The following MRM1 variants were observed in gnomAD, a reference collection of about 807,000 sequenced individuals.
MRM1 encodes mitochondrial rRNA methyltransferase 1.
Under a neutral mutation model 25.0 loss-of-function variants are expected in MRM1, and 24 were observed. The ratio of observed to expected loss-of-function variants is 0.96; its 90% CI spans 0.69 to 1.35. MRM1 has a LOEUF of 1.35. Among genes scored for constraint, MRM1 ranks in the 40% most tolerant of loss-of-function variants. MRM1 has a pLI of 0.00. For synonymous variants in MRM1, 188 were observed against 199.2 expected (o/e 0.94, Z 0.47); for missense variants, 431 against 464.1 (o/e 0.93, Z 0.65).
chr17:36,623,776 G>C, the MRM1 span, among the ~76,000 whole-genome samples: 2 of 152,154 alleles, frequency 1.3e-5, no homozygotes, highest in East Asian at 3.9e-4. Context: ...TTGGGGGAGA[G>C]TGGCTTGGAG....
downstream of MRM1, among the ~76,000 whole-genome samples, chr17:36,610,570 A>T (rs748008778): frequency 6.6e-6 from 1 of 152,054 alleles, no homozygotes; most frequent in Non-Finnish European, 1.5e-5. Context: ...CTCTCAAGAA[A>T]GAGGACAGAA....
At chr17:36,607,234 T>C (rs897602222) in intron 2 of MRM1, among the ~76,000 whole-genome samples, 4 of 152,008 alleles carry the variant, frequency 2.6e-5, no homozygotes, top group Admixed American at 1.3e-4. Flanking sequence ...TTTGAACTCC[T>C]GACCTCAGGT....
the MRM1 span, among the ~76,000 whole-genome samples, chr17:36,630,879 G>C: frequency 6.6e-6 from 1 of 152,158 alleles, no homozygotes; most frequent in Non-Finnish European, 1.5e-5. Flanking sequence ...CTAGGCACTG[G>C]TCTAGGTGCT....
chr17:36,627,674 GTTTTTTTT>G, the MRM1 span, among the ~76,000 whole-genome samples: 1 of 83,728 alleles, frequency 1.2e-5, no homozygotes, highest in African/African-American at 5.0e-5. Flanking sequence ...TTTGGACACT[GTTTTTTTT>G]TTTTTTTTTT....
the MRM1 span, among the ~76,000 whole-genome samples, chr17:36,616,301 C>T: frequency 6.6e-6 from 1 of 152,190 alleles, no homozygotes; most frequent in East Asian, 1.9e-4. Context: ...CTCCAGCCGG[C>T]CTTGACCTTC....
At chr17:36,614,890 T>C in the MRM1 span, among the ~76,000 whole-genome samples, 2 of 152,136 alleles carry the variant, frequency 1.3e-5, no homozygotes, top group African/African-American at 4.8e-5. Flanking sequence ...ATGTAGCCCA[T>C]TGGGGGTGGG....
chr17:36,602,456 A>G lies in MRM1; in HGVS notation c.543-97A>G. The stretch of plus-strand genomic sequence containing the variant: ...TCCCTTAGCCAGACTTACCTGTCCC[A>G]GAACTCTCATCCCCCTAGCCCTTGG... On this transcript the variant is annotated intron_variant, in intron 1 of 4. Transcript: ENST00000614766. The surrounding 1 kb of genome is among the most constrained non-coding windows in gnomAD (Gnocchi z 4.1). The G allele has an allele frequency of 1.9e-6, 3 of 1,589,760 alleles. No homozygotes were observed. Among genetic ancestry groups the G allele is most frequent in the Non-Finnish European group, 2.6e-6 (3 of 1,164,980 alleles).
At position 36,602,745 on chromosome 17, in the gene MRM1, T is replaced by A. The variant is rs2074891766; in HGVS notation, c.636+99T>A. 1 of 1,436,388 alleles carries A rather than the reference T, an allele frequency of 7.0e-7. No individual in the cohort carries two copies. Among genetic ancestry groups the A allele is most frequent in the African/African-American group, 1.4e-5 (1 of 71,368 alleles). 89.0% of individuals were successfully genotyped at this position (1,436,388 alleles called of 1,614,324 possible). A position where few individuals can be genotyped will look rare whatever the true frequency, so the allele number is the denominator to read the frequency against. On this transcript the variant is annotated intron_variant, in intron 2 of 4. Transcript: ENST00000614766. This position sits in a 1 kb window ranked among gnomAD's most constrained non-coding sequence, Gnocchi z 4.1. Reference sequence around the variant, plus strand: ...TGGCGAGGGAGAGAAAGGGGCATGTTGGCACCGCTTCCTTTGGCCTTCTAA... The same window carrying A: ...TGGCGAGGGAGAGAAAGGGGCATGTAGGCACCGCTTCCTTTGGCCTTCTAA...
chr17:36,614,767 A>G, the MRM1 span, among the ~76,000 whole-genome samples: 1 of 152,176 alleles, frequency 6.6e-6, no homozygotes, highest in Non-Finnish European at 1.5e-5. Context: ...GTAAACTCTC[A>G]ATAATTGTAG....
At chr17:36,616,079 C>T in the MRM1 span, among the ~76,000 whole-genome samples, 14 of 152,156 alleles carry the variant, frequency 9.2e-5, no homozygotes, top group African/African-American at 3.1e-4. Context: ...TAAGCCCCTC[C>T]CGCCCTCTAG....
rs192205167 is a variant in MRM1, at chr17:36,607,076, G to T, written c.637-594G>T. ...ATTACAGGCATGCACCACCATGCCC[G>T]GCTAATTTTGTATTTTTAGTAGAGA... On this transcript the variant is annotated intron_variant, in intron 2 of 4. Transcript: ENST00000614766. Among the ~76,000 whole-genome samples, 292 of 151,538 alleles carry T rather than the reference G, an allele frequency of 1.9e-3. 1 individual carries two copies. The highest frequency in any genetic ancestry group is 6.8e-3 in the African/African-American group (281 of 41,288).
the MRM1 span, among the ~76,000 whole-genome samples, chr17:36,629,957 G>A: frequency 6.6e-6 from 1 of 152,348 alleles, no homozygotes; most frequent in South Asian, 2.1e-4. Context: ...AGCCTTGGCA[G>A]ATGTGACTGA....
At chr17:36,615,991 AAAC>A in the MRM1 span, among the ~76,000 whole-genome samples, 52,197 of 150,930 alleles carry the variant, frequency 0.35, 10,768 homozygotes, top group African/African-American at 0.59. Flanking sequence ...AGACTGTCTC[AAAC>A]AACAACAACA....
chr17:36,607,631 TAAAAA>T (rs763310890), intron 2 of MRM1, 34 bp from the exon 3 acceptor site: 2 of 1,578,580 alleles, frequency 1.3e-6, no homozygotes, highest in Non-Finnish European at 1.7e-6. Flanking sequence ...AAAATTAAAA[TAAAAA>T]AAGAATTAGA....
chr17:36,614,313 G>A, the MRM1 span, among the ~76,000 whole-genome samples: 2 of 151,984 alleles, frequency 1.3e-5, no homozygotes, highest in Non-Finnish European at 2.9e-5. Flanking sequence ...ATCCTGCTGG[G>A]GGAGGTGCTC....
At chr17:36,604,179 C>A (rs1320607091) in intron 2 of MRM1, among the ~76,000 whole-genome samples, 3 of 152,216 alleles carry the variant, frequency 2.0e-5, no homozygotes, top group Non-Finnish European at 2.9e-5. Context: ...ACACTCTCTT[C>A]AGCATGCAAG....
chr17:36,612,016 C>T (rs1191068740), downstream of MRM1, among the ~76,000 whole-genome samples: 1 of 152,216 alleles, frequency 6.6e-6, no homozygotes, highest in Non-Finnish European at 1.5e-5. Flanking sequence ...GTAGGCGTCC[C>T]AGTGCTCCCT....
intron 2 of MRM1, among the ~76,000 whole-genome samples, chr17:36,607,159 C>T (rs188975571): frequency 6.9e-4 from 105 of 152,166 alleles, no homozygotes; most frequent in African/African-American, 2.0e-3. Flanking sequence ...GGTGATCCCC[C>T]TGCCTTGGCC....
At chr17:36,609,695 G>A (rs954693976), downstream of MRM1, among the ~76,000 whole-genome samples, 1 of 152,178 alleles carries the variant, frequency 6.6e-6, no homozygotes, top group Non-Finnish European at 1.5e-5. Flanking sequence ...TGTGACCTTG[G>A]GGGGGCGCTC....
Sources: gnomAD v4.1 joint callset for allele counts (sites outside exome capture counted in the v4.1 genomes callset) on GRCh38, gnomAD v4.1.1 for gene constraint, Gnocchi (gnomAD v3.1) non-coding constraint, MANE v1.5 for transcripts, NCBI Gene and HGNC (gene_info 2026-07-23, HGNC 2026-07-21) for gene names.